Variants in RHEB observed in about 807,000 individuals in gnomAD.
The protein encoded by RHEB is GTP-binding protein Rheb.
A neutral mutation model predicts 28.8 loss-of-function variants in RHEB; 2 were observed. That is an observed-to-expected ratio of 0.07 (90% CI 0.03 to 0.22). The LOEUF is 0.22. RHEB is among the 10% of genes least tolerant of loss of function. The pLI, the probability that RHEB is intolerant of heterozygous loss-of-function variation, is 1.00. For synonymous variants in RHEB, 69 were observed against 77.3 expected, an observed-to-expected ratio of 0.89 and a Z score of 0.56; for missense variants, 76 against 219.9, an observed-to-expected ratio of 0.35 and a Z score of 4.14.
intron 7 of RHEB, 42 bp downstream of exon 7, chr7:151,470,528 TG>T: frequency 7.4e-7 from 1 of 1,350,438 alleles, no homozygotes; most frequent in Non-Finnish European, 1.1e-6. Context: ...TCCCTGCGAC[TG>T]ATGAGAACGC....
intron 2 of RHEB, among the ~76,000 whole-genome samples, chr7:151,486,456 A>C (rs1802475315): frequency 6.6e-6 from 1 of 152,120 alleles, no homozygotes; most frequent in African/African-American, 2.4e-5. Flanking sequence ...ACACACATGT[A>C]CCCTCCCACC....
Position 151,468,091 on chromosome 7 carries a change from T to A in RHEB, c.463-880A>T, listed in dbSNP as rs1388517297. On this transcript the variant is annotated intron_variant, in intron 7 of 7. Transcript: ENST00000262187. This position sits in a 1 kb window ranked among gnomAD's most constrained non-coding sequence, Gnocchi z 4.3. ...CTGTTCTCAGAAGCCCCACAGGAAGTACCCTGTTCTCCTAATCACCAAGAA... is the reference window on the plus strand; with the variant it reads ...CTGTTCTCAGAAGCCCCACAGGAAGAACCCTGTTCTCCTAATCACCAAGAA... Among the ~76,000 whole-genome samples the A allele has an allele frequency of 2.0e-5, 3 of 151,826 alleles. No individual in the cohort carries two copies. The highest frequency in any genetic ancestry group is 2.9e-5 in the Non-Finnish European group (2 of 67,966).
intron 1 of RHEB, among the ~76,000 whole-genome samples, chr7:151,514,992 T>C (rs572547050): frequency 1.3e-5 from 2 of 151,292 alleles, no homozygotes; most frequent in Admixed American, 6.6e-5. Flanking sequence ...TGAGCCATGA[T>C]AGCTCCACTG....
At chr7:151,499,019 G>C (rs1802721679) in intron 1 of RHEB, among the ~76,000 whole-genome samples, 1 of 152,162 alleles carries the variant, frequency 6.6e-6, no homozygotes, top group Non-Finnish European at 1.5e-5. Context: ...TTGATGAATA[G>C]ACACAAACCC....
intron 4 of RHEB, among the ~76,000 whole-genome samples, chr7:151,476,644 GTCGCACACAC>G (rs1251024493): frequency 6.6e-6 from 1 of 152,208 alleles, no homozygotes; most frequent in African/African-American, 2.4e-5. Flanking sequence ...TCCCTAACAT[GTCGCACACAC>G]TCAATAGATG....
intron 2 of RHEB, among the ~76,000 whole-genome samples, chr7:151,490,181 T>C (rs1271503875): frequency 6.6e-6 from 1 of 152,176 alleles, no homozygotes; most frequent in South Asian, 2.1e-4. Context: ...TGTATGCCTG[T>C]AGTTCCAGCC....
At chr7:151,494,735 A>G (rs1206623611) in intron 1 of RHEB, among the ~76,000 whole-genome samples, 2 of 152,206 alleles carry the variant, frequency 1.3e-5, no homozygotes, top group Admixed American at 1.3e-4. Context: ...GAGAAAAACT[A>G]CGTTTCCCTT....
chr7:151,492,174 A>G (rs1164628370), intron 1 of RHEB, among the ~76,000 whole-genome samples: 2 of 152,206 alleles, frequency 1.3e-5, no homozygotes, highest in African/African-American at 4.8e-5. Flanking sequence ...AGTGAGAGTG[A>G]AGGAGAGGCA....
chr7:151,473,876 C>T (rs1195183063), intron 4 of RHEB, among the ~76,000 whole-genome samples: 3 of 152,202 alleles, frequency 2.0e-5, no homozygotes, highest in South Asian at 2.1e-4. Context: ...CTACTAAAAA[C>T]GGTGCTCCTT....
chr7:151,479,227 A>G (rs193214625), intron 3 of RHEB, among the ~76,000 whole-genome samples: 4 of 152,328 alleles, frequency 2.6e-5, no homozygotes, highest in African/African-American at 9.6e-5. Context: ...GTAACCCTCA[A>G]CTGAGTGTAG....
At chr7:151,488,659 C>T (rs1802525890) in intron 2 of RHEB, among the ~76,000 whole-genome samples, 1 of 152,158 alleles carries the variant, frequency 6.6e-6, no homozygotes, top group Non-Finnish European at 1.5e-5. Context: ...TTAATGGATA[C>T]ATATTCATAT....
chr7:151,470,377 G>A, intron 7 of RHEB, 194 bp downstream of exon 7: 1 of 442,132 alleles, frequency 2.3e-6, no homozygotes. Context: ...TCCACTGTAA[G>A]TAGAATACTG....
chr7:151,503,120 G>A, intron 1 of RHEB: 1 of 814,032 alleles, frequency 1.2e-6, no homozygotes, highest in Non-Finnish European at 2.2e-6. Context: ...AATTCTAATG[G>A]TCTATGAAAA....
chr7:151,512,859 A>G (rs914254953), intron 1 of RHEB, among the ~76,000 whole-genome samples: 5 of 152,254 alleles, frequency 3.3e-5, no homozygotes, highest in African/African-American at 9.6e-5. Flanking sequence ...TATTCATAGC[A>G]ATATTAAGTT....
At chr7:151,492,891 T>G (rs1187166035) in intron 1 of RHEB, among the ~76,000 whole-genome samples, 1 of 142,302 alleles carries the variant, frequency 7.0e-6, no homozygotes. Context: ...CAGGCTGGAG[T>G]GCAGTGGTGC....
At chr7:151,512,259 T>TC (rs1803005085) in intron 1 of RHEB, among the ~76,000 whole-genome samples, 1 of 152,198 alleles carries the variant, frequency 6.6e-6, no homozygotes. Flanking sequence ...TTCTGAATCT[T>TC]CACCCAAGAA....
intron 3 of RHEB, among the ~76,000 whole-genome samples, chr7:151,479,542 G>C (rs1802340380): frequency 6.6e-6 from 1 of 151,978 alleles, no homozygotes; most frequent in African/African-American, 2.4e-5. Flanking sequence ...AACTAGCTGG[G>C]CGTGGTGGCG....
chr7:151,468,280 TCTCCCC>T lies in RHEB; in HGVS notation c.463-1075_463-1070del, dbSNP rs1392643559. On this transcript the variant is annotated intron_variant, in intron 7 of 7. Transcript: ENST00000262187. This position sits in a 1 kb window ranked among gnomAD's most constrained non-coding sequence, Gnocchi z 4.3. ...CTGATTTGTTGACCCTATTATTACA[TCTCCCC>T]TGTCCCTTAACCACTTCTTGCTGCT... Among the ~76,000 whole-genome samples the T allele has an allele frequency of 3.3e-5, 5 of 152,112 alleles. No homozygotes were observed. The highest frequency in any genetic ancestry group is 1.2e-4 in the African/African-American group (5 of 41,424).
intron 1 of RHEB, among the ~76,000 whole-genome samples, chr7:151,510,847 G>A (rs189477768): frequency 2.3e-4 from 35 of 152,302 alleles, no homozygotes; most frequent in African/African-American, 7.9e-4. Flanking sequence ...GGGAGGCTGA[G>A]GTGGCTGGAT....
Sources: allele counts gnomAD v4.1 joint callset (sites outside exome capture counted in the v4.1 genomes callset), GRCh38; gene constraint gnomAD v4.1.1; non-coding constraint Gnocchi (gnomAD v3.1); transcripts MANE v1.5; gene names NCBI Gene and HGNC (gene_info 2026-07-23, HGNC 2026-07-21).